The following BRCA1 variants were observed in gnomAD, a reference collection of about 807,000 sequenced individuals.
BRCA1 encodes breast cancer type 1 susceptibility protein.
BRCA1 carries 140 observed loss-of-function variants against 173.7 expected under a neutral mutation model. The ratio of observed to expected loss-of-function variants is 0.81; its 90% CI spans 0.70 to 0.93. The LOEUF (loss-of-function observed/expected upper bound fraction) is 0.93. Ranked by LOEUF, BRCA1 falls within the 40% of genes least tolerant of loss-of-function variation. BRCA1 has a pLI of 0.00. For synonymous variants in BRCA1, 662 were observed against 756.0 expected, an observed-to-expected ratio of 0.88 and a Z score of 2.04; for missense variants, 1,983 against 2,172.5, an observed-to-expected ratio of 0.91 and a Z score of 1.73.
intron 18 of BRCA1, among the ~76,000 whole-genome samples, chr17:43,061,750 T>C (rs925829346): frequency 1.3e-5 from 2 of 151,980 alleles, no homozygotes; most frequent in Non-Finnish European, 2.9e-5. Flanking sequence ...GCTCGACTAA[T>C]TTTTTTGTGT....
In BRCA1 at chr17:43,157,809, C is replaced by T. The variant is rs545222154; in HGVS notation, c.-20+12317G>A. Among the ~76,000 whole-genome samples the T allele has an allele frequency of 2.6e-5, 4 of 152,248 alleles. No individual in the cohort carries two copies. In the South Asian group the frequency reaches 8.3e-4, roughly 32 times the overall value. On this transcript the variant is annotated intron_variant, in intron 1 of 7. Transcript: ENST00000634433. ...GCTGGGAGTTTGAGACCAGCCTGAT[C>T]AACATGGAGACACCCCGTCTCTACT... is the stretch of plus-strand genomic sequence containing the variant.
chr17:43,123,384 T>C (rs1211833197), intron 2 of BRCA1, among the ~76,000 whole-genome samples: 1 of 139,092 alleles, frequency 7.2e-6, no homozygotes, highest in Non-Finnish European at 1.5e-5. Context: ...TGAGATGGAG[T>C]TTAGCTCTGT....
chr17:43,125,178 A>C (rs938956048), intron 1 of BRCA1, 93 bp downstream of exon 1: 4 of 450,826 alleles, frequency 8.9e-6, no homozygotes, highest in African/African-American at 8.4e-5. Context: ...CCGTCAAAGA[A>C]TACCCATCTG....
At chr17:43,057,188 C>T in intron 18 of BRCA1, 53 bp from the exon 19 acceptor site, 1 of 1,555,720 alleles carries the variant, frequency 6.4e-7, no homozygotes, top group Non-Finnish European at 8.9e-7. Flanking sequence ...AAGCTTCCTT[C>T]AATGGAAGTG....
At chr17:43,136,069 G>A (rs2056020190) in intron 1 of BRCA1, among the ~76,000 whole-genome samples, 1 of 152,162 alleles carries the variant, frequency 6.6e-6, no homozygotes. Flanking sequence ...AAGGCGGGAG[G>A]GTCACTTGAG....
rs10445302 is a variant in BRCA1 at position 43,100,680 on chromosome 17, T to C, written c.442-800A>G. ...AACATATATATATATATATATATAA[T>C]ATATATATATATATATATATATGTA... On this transcript the variant is annotated intron_variant, in intron 6 of 22. Coordinates refer to ENST00000357654, the MANE Select transcript of BRCA1 (RefSeq NM_007294.4). Among the ~76,000 whole-genome samples the C allele has an allele frequency of 3.2e-3, 35 of 11,058 alleles. 4 individuals are homozygous for C. Among genetic ancestry groups the C allele is most frequent in the Non-Finnish European group, 4.5e-3 (28 of 6,270 alleles). The allele number at this position is 11,058 out of a possible 152,430, so 7.3% of individuals were successfully genotyped here.
intron 1 of BRCA1, chr17:43,148,505 A>G (rs2056138501): frequency 6.6e-6 from 1 of 152,234 alleles, no homozygotes; most frequent in Admixed American, 6.6e-5. Context: ...GGGGGTAACA[A>G]GGTGCTTGGT....
chr17:43,162,881 G>A (rs1327783174), intron 1 of BRCA1: 1 of 152,182 alleles, frequency 6.6e-6, no homozygotes, highest in Non-Finnish European at 1.5e-5. Context: ...GATGTTTAAG[G>A]ATAGTCTCGG....
Position 43,094,303 on chromosome 17 carries a change from C to G in BRCA1, c.1228G>C (p.Ala410Pro), listed in dbSNP as rs779974365. The G allele has an allele frequency of 6.2e-7, 1 of 1,614,158 alleles. No homozygotes were observed. The highest frequency in any genetic ancestry group is 8.5e-7 in the Non-Finnish European group (1 of 1,180,028). The change falls in exon 10 of 23, where the codon GCT becomes CCT. Residue 410 changes from alanine (A) to proline (P), a missense_variant. Transcript: ENST00000357654. ...TCATTTAGAACGTCCAATACATCAG[C>G]TACTTTGGCATTTGATTCAGACTCC... Reference protein sequence around the residue: ...DGESESNAKVADVLDVLNEVD... With the variant: ...DGESESNAKVPDVLDVLNEVD...
At chr17:43,144,402 G>T (rs2056103174) in intron 1 of BRCA1, among the ~76,000 whole-genome samples, 1 of 152,082 alleles carries the variant, frequency 6.6e-6, no homozygotes, top group Non-Finnish European at 1.5e-5. Flanking sequence ...GTCCCCTGTG[G>T]GCAGGAGGTC....
chr17:43,102,949 T>TA (rs949829649), intron 6 of BRCA1, among the ~76,000 whole-genome samples: 4 of 47,432 alleles, frequency 8.4e-5, no homozygotes, highest in Non-Finnish European at 3.1e-4. Flanking sequence ...ACCCAGCTAC[T>TA]TTTTTTTTTT....
intron 14 of BRCA1, 131 bp from the exon 15 acceptor site, chr17:43,071,369 G>T: frequency 9.9e-7 from 1 of 1,006,932 alleles, no homozygotes; most frequent in Non-Finnish European, 1.5e-6. Context: ...ATACAGTGTT[G>T]GTGGAAATCC....
At chr17:43,076,372 T>C in intron 13 of BRCA1, 116 bp downstream of exon 13, 1 of 1,270,686 alleles carries the variant, frequency 7.9e-7, no homozygotes, top group Non-Finnish European at 1.1e-6. Flanking sequence ...AATAAAAGTG[T>C]ATAAATGCCT....
chr17:43,165,209 G>T (rs1205994841), intron 1 of BRCA1, among the ~76,000 whole-genome samples: 3 of 151,946 alleles, frequency 2.0e-5, no homozygotes, highest in Non-Finnish European at 2.9e-5. Flanking sequence ...TATAATTTTT[G>T]CAAAAGAGCA....
intron 1 of BRCA1, among the ~76,000 whole-genome samples, chr17:43,156,518 A>G (rs2056198154): frequency 6.6e-6 from 1 of 152,220 alleles, no homozygotes; most frequent in Admixed American, 6.5e-5. Context: ...ATTAAATGCT[A>G]CTTGGGAAAA....
chr17:43,108,255 T>C (rs1166681440), intron 3 of BRCA1, among the ~76,000 whole-genome samples: 1 of 151,178 alleles, frequency 6.6e-6, no homozygotes, highest in African/African-American at 2.4e-5. Flanking sequence ...TGAGAATAAG[T>C]TGAACCTGTG....
chr17:43,087,677 A>G (rs910584458), intron 11 of BRCA1, among the ~76,000 whole-genome samples: 2 of 151,856 alleles, frequency 1.3e-5, no homozygotes, highest in Non-Finnish European at 2.9e-5. Flanking sequence ...AAAAAAAAAA[A>G]AAAAGAAAAA....
chr17:43,081,664 T>C (rs1354927837), intron 12 of BRCA1, among the ~76,000 whole-genome samples: 1 of 152,214 alleles, frequency 6.6e-6, no homozygotes, highest in Non-Finnish European at 1.5e-5. Context: ...AAAATCTGCC[T>C]GATGTATTGT....
rs773655919 is a variant in BRCA1 at position 43,051,056 on chromosome 17, C to A, written c.5332+7G>T. ...GCTGGAACTCTGGGGTTCTCCCAGG[C>A]TCTTACCTGTGGGCATGTTGGTGAA... On this transcript the variant is annotated splice_region_variant and intron_variant, in intron 20 of 22. Transcript: ENST00000357654. 3.7e-6 allele frequency: 6 copies of A among 1,613,660 alleles called. No individual in the cohort carries two copies. In the South Asian group the frequency reaches 6.6e-5, roughly 18 times the overall value.
Sources: gnomAD v4.1 joint callset for allele counts (sites outside exome capture counted in the v4.1 genomes callset) on GRCh38, gnomAD v4.1.1 for gene constraint, MANE v1.5 for transcripts, NCBI Gene and HGNC (gene_info 2026-07-23, HGNC 2026-07-21) for gene names.